Variants in ANK2 observed in about 807,000 individuals in gnomAD.
The protein encoded by ANK2 is ankyrin 2.
Under a neutral mutation model 360.5 loss-of-function variants are expected in ANK2, and 83 were observed. That is an observed-to-expected ratio of 0.23 (90% CI 0.19 to 0.28). The LOEUF (loss-of-function observed/expected upper bound fraction) is 0.28, where lower values mean the gene tolerates loss of function less well. Among genes scored for constraint, ANK2 ranks in the 10% least tolerant of loss-of-function variants. ANK2 has a pLI of 1.00. For synonymous variants in ANK2, 1,740 were observed against 1,759.5 expected (o/e 0.99, Z 0.28); for missense variants, 4,201 against 4,795.7 (o/e 0.88, Z 3.66).
At position 113,354,901 on chromosome 4, in the gene ANK2, C is replaced by G. The variant is rs2095652154; in HGVS notation, c.6283C>G (p.Pro2095Ala). 2.5e-6 allele frequency: 4 copies of G among 1,614,084 alleles called. No individual in the cohort carries two copies. In the East Asian group the frequency reaches 8.9e-5, roughly 36 times the overall value. The part of the protein sequence containing the change: ...EKVLSHKIPE[P>A]VQSVPEEESH... The stretch of plus-strand genomic sequence containing the variant: ...AGTTCTCAGCCACAAAATACCTGAA[C>G]CTGTTCAGTCAGTGCCTGAAGAAGA... Residue 2095 changes from proline to alanine, a missense_variant, in exon 38 of 46, where the codon CCT becomes GCT. Pro to Ala is a conservative substitution (Grantham distance 27). Around this residue, in one of 4 missense-constraint regions of ANK2, gnomAD observed 2,642 missense variants for 2,714.5 expected, o/e 0.97. Transcript: ENST00000357077.
rs1042966412 is a variant in ANK2, at chr4:113,346,114, C to T, written c.4371+92C>T. ...GTCAGTGCAAAAGTAATGGCAAAAA[C>T]AGCAATTGCTTTTGCACTGACCTAA... On this transcript the variant is annotated intron_variant, in intron 35 of 45. Transcript: ENST00000357077. 27 of 1,474,660 alleles carry T rather than the reference C, an allele frequency of 1.8e-5. 1 individual carries two copies. The South Asian group carries it at 2.6e-4, about 14-fold the overall frequency. 91.3% of individuals were successfully genotyped at this position (1,474,660 alleles called of 1,614,324 possible).
chr4:113,239,624 A>C (rs987473140), intron 7 of ANK2, among the ~76,000 whole-genome samples: 2 of 152,294 alleles, frequency 1.3e-5, no homozygotes, highest in African/African-American at 4.8e-5. Flanking sequence ...CAAAGATGGC[A>C]ACAATTTTCA....
chr4:112,965,095 T>A (rs2036677991), intron 2 of ANK2, among the ~76,000 whole-genome samples: 1 of 152,234 alleles, frequency 6.6e-6, no homozygotes, highest in South Asian at 2.1e-4. Context: ...CCATAGTGAT[T>A]ATACAAATTT....
At chr4:112,912,050 G>C (rs933129527) in intron 2 of ANK2, among the ~76,000 whole-genome samples, 2 of 152,002 alleles carry the variant, frequency 1.3e-5, no homozygotes, top group African/African-American at 4.8e-5. Context: ...GGTGGCGGGC[G>C]CCTGTAGTCC....
In ANK2 at chr4:113,381,486, A is replaced by C; in HGVS notation, c.*15A>C. 1 of 1,614,138 alleles carries C rather than the reference A, an allele frequency of 6.2e-7. No homozygotes were observed. The stretch of plus-strand genomic sequence containing the variant: ...ACAATGAGTAAAGCCATCACACAGA[A>C]GAGGGCTGTGGTGAAGGACCAGCAT... On this transcript the variant is annotated 3_prime_UTR_variant, in exon 46 of 46. Coordinates refer to ENST00000357077, the MANE Select transcript of ANK2 (RefSeq NM_001148.6).
intron 2 of ANK2, among the ~76,000 whole-genome samples, chr4:112,919,612 A>G (rs1393299925): frequency 6.6e-6 from 1 of 152,164 alleles, no homozygotes; most frequent in Admixed American, 6.5e-5. Flanking sequence ...TGAAATAAGT[A>G]TAATACCAAA....
At chr4:113,337,498 A>C (rs1299117492) in intron 31 of ANK2, among the ~76,000 whole-genome samples, 1 of 152,202 alleles carries the variant, frequency 6.6e-6, no homozygotes, top group African/African-American at 2.4e-5. Context: ...AATTTAACTG[A>C]TAATTTCTCT....
At chr4:113,344,886 A>G (rs2094665761) in intron 34 of ANK2, among the ~76,000 whole-genome samples, 1 of 152,166 alleles carries the variant, frequency 6.6e-6, no homozygotes, top group South Asian at 2.1e-4. Flanking sequence ...GATAGAAAGT[A>G]GAAGAGTGGT....
chr4:113,292,595 G>C, intron 21 of ANK2, 81 bp downstream of exon 21: 2 of 1,349,346 alleles, frequency 1.5e-6, no homozygotes, highest in Non-Finnish European at 2.1e-6. Context: ...TGAGCTGAGT[G>C]AGGTCAGATT....
intron 2 of ANK2, chr4:113,034,916 A>G (rs1187842229): frequency 6.6e-6 from 1 of 151,984 alleles, no homozygotes; most frequent in African/African-American, 2.4e-5. Context: ...TTTGCAGAGA[A>G]CAAATGTTTC....
At chr4:112,876,356 C>T (rs1374409134) in intron 1 of ANK2, among the ~76,000 whole-genome samples, 1 of 152,026 alleles carries the variant, frequency 6.6e-6, no homozygotes, top group Non-Finnish European at 1.5e-5. Context: ...TGAGGTTACA[C>T]AGTGGATTCC....
chr4:113,130,957 G>A, intron 1 of ANK2, among the ~76,000 whole-genome samples: 1 of 152,122 alleles, frequency 6.6e-6, no homozygotes. Context: ...AATTAACAAG[G>A]AAATTAAAGA....
intron 4 of ANK2, among the ~76,000 whole-genome samples, chr4:113,218,053 AC>A (rs2099106786): frequency 6.6e-6 from 1 of 152,138 alleles, no homozygotes; most frequent in Admixed American, 6.5e-5. Flanking sequence ...ACAGATAAAA[AC>A]CCACACTTAG....
At chr4:112,800,014 A>T in the ANK2 span, among the ~76,000 whole-genome samples, 22 of 152,204 alleles carry the variant, frequency 1.4e-4, no homozygotes, top group Non-Finnish European at 2.2e-4. Context: ...AACTACCTAT[A>T]GAAAATAATC....
At chr4:113,343,867 G>A (rs751162977) in intron 34 of ANK2, among the ~76,000 whole-genome samples, 5 of 152,034 alleles carry the variant, frequency 3.3e-5, no homozygotes, top group East Asian at 1.9e-4. Flanking sequence ...AGGTCCTAAC[G>A]CTCAATCCTC....
chr4:113,235,311 T>C (rs1033230810), intron 5 of ANK2, among the ~76,000 whole-genome samples: 1 of 152,186 alleles, frequency 6.6e-6, no homozygotes, highest in African/African-American at 2.4e-5. Flanking sequence ...CATGCTTTAC[T>C]CTTCCATTCT....
chr4:113,157,832 T>A (rs1467819140), intron 1 of ANK2, among the ~76,000 whole-genome samples: 1 of 152,210 alleles, frequency 6.6e-6, no homozygotes, highest in African/African-American at 2.4e-5. Context: ...GGTCTGCCAC[T>A]TCTTACCCCA....
chr4:113,184,369 G>A (rs557406796), intron 2 of ANK2, among the ~76,000 whole-genome samples: 46 of 152,070 alleles, frequency 3.0e-4, no homozygotes, highest in Middle Eastern at 3.4e-3. Context: ...ACAGTCCCAA[G>A]CAGATAGCAA....
chr4:113,299,851 C>G (rs1332013010), intron 22 of ANK2, among the ~76,000 whole-genome samples: 1 of 152,060 alleles, frequency 6.6e-6, no homozygotes, highest in Non-Finnish European at 1.5e-5. Flanking sequence ...AATAAACCCA[C>G]CTAAGGAACC....
Sources: allele counts gnomAD v4.1 joint callset (sites outside exome capture counted in the v4.1 genomes callset), GRCh38; gene constraint gnomAD v4.1.1; regional missense constraint gnomAD v4.1.1; transcripts MANE v1.5; gene names NCBI Gene and HGNC (gene_info 2026-07-23, HGNC 2026-07-21).